The following SLC26A7 variants were observed in gnomAD, a reference collection of about 807,000 sequenced individuals.
The protein encoded by SLC26A7 is anion exchange transporter.
A neutral mutation model predicts 82.5 loss-of-function variants in SLC26A7; 59 were observed. The observed-to-expected ratio is 0.72, with a 90% CI of 0.58 to 0.89. SLC26A7 has a LOEUF of 0.89. Among genes scored for constraint, SLC26A7 ranks in the 40% least tolerant of loss-of-function variants. SLC26A7 has a pLI of 0.00. For synonymous variants in SLC26A7, 271 were observed against 274.3 expected, an observed-to-expected ratio of 0.99 and a Z score of 0.12; for missense variants, 820 against 793.0, an observed-to-expected ratio of 1.03 and a Z score of -0.41.
chr8:91,350,232 C>T (rs1418716551), intron 9 of SLC26A7, among the ~76,000 whole-genome samples: 3 of 152,122 alleles, frequency 2.0e-5, no homozygotes, highest in Non-Finnish European at 2.9e-5. Context: ...GCTACTGCCA[C>T]TCCACTCTCC....
chr8:91,325,724 TA>T (rs1421536041), intron 5 of SLC26A7, among the ~76,000 whole-genome samples: 1 of 152,144 alleles, frequency 6.6e-6, no homozygotes, highest in Non-Finnish European at 1.5e-5. Flanking sequence ...CTTCCCTCCA[TA>T]ACCCAAGGGA....
chr8:91,354,423 T>G (rs756661285), intron 11 of SLC26A7, among the ~76,000 whole-genome samples: 2 of 152,102 alleles, frequency 1.3e-5, no homozygotes, highest in African/African-American at 2.4e-5. Context: ...GAACATATAA[T>G]GTGAGGATGG....
chr8:91,241,190 T>C (rs1810469292), intron 2 of SLC26A7, among the ~76,000 whole-genome samples: 1 of 152,140 alleles, frequency 6.6e-6, no homozygotes, highest in South Asian at 2.1e-4. Context: ...TGAAGAAATA[T>C]TGTACAGTCA....
chr8:91,222,688 C>T (rs1486332591), intron 2 of SLC26A7, among the ~76,000 whole-genome samples: 1 of 152,206 alleles, frequency 6.6e-6, no homozygotes, highest in Non-Finnish European at 1.5e-5. Flanking sequence ...ACCAGCCTTG[C>T]ATCCCAGGAA....
intron 1 of SLC26A7, among the ~76,000 whole-genome samples, chr8:91,210,596 G>T (rs910088967): frequency 1.5e-5 from 2 of 129,178 alleles, no homozygotes; most frequent in African/African-American, 6.9e-5. Context: ...CACACACACA[G>T]GTTAACATCA....
chr8:91,335,273 A>G (rs1049312245), intron 6 of SLC26A7, among the ~76,000 whole-genome samples: 1 of 152,158 alleles, frequency 6.6e-6, no homozygotes, highest in Non-Finnish European at 1.5e-5. Context: ...GCACATTGCA[A>G]TTGACTATTA....
At chr8:91,332,720 A>G (rs1337139687) in intron 5 of SLC26A7, among the ~76,000 whole-genome samples, 3 of 151,500 alleles carry the variant, frequency 2.0e-5, no homozygotes, top group African/African-American at 7.3e-5. Context: ...TTCATAGGGA[A>G]AGAGTCTTGC....
chr8:91,216,863 T>C (rs1190526581), intron 1 of SLC26A7, among the ~76,000 whole-genome samples: 3 of 152,192 alleles, frequency 2.0e-5, no homozygotes, highest in African/African-American at 7.2e-5. Flanking sequence ...GGTCTATTTA[T>C]AGTTTATACT....
At chr8:91,287,467 G>A (rs969081553) in intron 2 of SLC26A7, among the ~76,000 whole-genome samples, 4 of 152,084 alleles carry the variant, frequency 2.6e-5, no homozygotes, top group African/African-American at 9.7e-5. Context: ...CAGCCAAATG[G>A]GTCTACCTCT....
At chr8:91,354,949 T>A (rs1813821970) in intron 11 of SLC26A7, among the ~76,000 whole-genome samples, 1 of 152,134 alleles carries the variant, frequency 6.6e-6, no homozygotes, top group Non-Finnish European at 1.5e-5. Flanking sequence ...TTATTTCATC[T>A]CTGTTTTCTG....
chr8:91,219,856 TTAGA>T (rs2130661628), intron 2 of SLC26A7, among the ~76,000 whole-genome samples: 1 of 152,274 alleles, frequency 6.6e-6, no homozygotes, highest in South Asian at 2.1e-4. Flanking sequence ...CAGGATAGAC[TTAGA>T]TAAAGCTGCT....
chr8:91,394,022 C>A lies in SLC26A7; in HGVS notation c.1918C>A (p.His640Asn). 1 of 1,613,018 alleles carries A rather than the reference C, an allele frequency of 6.2e-7. No individual in the cohort carries two copies. The highest frequency in any genetic ancestry group is 1.1e-5 in the South Asian group (1 of 90,980). Residue 640 changes from histidine to asparagine, a missense_variant, in exon 18 of 19, where the codon CAT becomes AAT. By Grantham distance (68) the His-to-Asn change is moderately conservative (BLOSUM62 1). Transcript: ENST00000276609. Reference sequence around the variant, plus strand: ...TGAATCGGTATCTGCTGCAATAAGTCATATCCATTCAAATAAGGTGAGTTG... The same window carrying A: ...TGAATCGGTATCTGCTGCAATAAGTAATATCCATTCAAATAAGGTGAGTTG... ...FFESVSAAIS[H>N]IHSNKNLSKL...
chr8:91,332,168 T>C (rs1037230046), intron 5 of SLC26A7, among the ~76,000 whole-genome samples: 27 of 144,596 alleles, frequency 1.9e-4, no homozygotes, highest in African/African-American at 6.2e-4. Flanking sequence ...TACACACACA[T>C]ATATATATAA....
At chr8:91,344,578 A>G (rs1813509557) in intron 9 of SLC26A7, among the ~76,000 whole-genome samples, 1 of 152,196 alleles carries the variant, frequency 6.6e-6, no homozygotes, top group African/African-American at 2.4e-5. Context: ...AGATCTTAAA[A>G]TTTAACATAA....
Position 91,393,930 on chromosome 8 carries a change from T to C in SLC26A7, c.1832-6T>C, listed in dbSNP as rs1586487277. ...GTATTCTTATATCACTTGTGCTTTC[T>C]TGAAGCTTCCTTGATAAAAGCAATG... On this transcript the variant is annotated splice_polypyrimidine_tract_variant and splice_region_variant and intron_variant, in intron 17 of 18. Transcript: ENST00000276609. The C allele has an allele frequency of 6.2e-7, 1 of 1,613,348 alleles. No individual in the cohort carries two copies. Among genetic ancestry groups the C allele is most frequent in the Middle Eastern group, 1.7e-4 (1 of 6,060 alleles).
chr8:91,345,702 T>C (rs1813543782), intron 9 of SLC26A7, among the ~76,000 whole-genome samples: 1 of 152,182 alleles, frequency 6.6e-6, no homozygotes, highest in African/African-American at 2.4e-5. Flanking sequence ...GTTAACATAC[T>C]CACTTATCAC....
At chr8:91,232,469 C>A (rs1300197635) in intron 2 of SLC26A7, among the ~76,000 whole-genome samples, 1 of 152,192 alleles carries the variant, frequency 6.6e-6, no homozygotes, top group African/African-American at 2.4e-5. Flanking sequence ...ATACTACGTT[C>A]CTTACAATAT....
intron 2 of SLC26A7, among the ~76,000 whole-genome samples, chr8:91,242,887 T>A (rs896378226): frequency 2.0e-5 from 3 of 152,312 alleles, no homozygotes; most frequent in African/African-American, 7.2e-5. Flanking sequence ...TCAGTATTGA[T>A]AATAACAGAA....
intron 2 of SLC26A7, among the ~76,000 whole-genome samples, chr8:91,234,558 T>C (rs1432603704): frequency 1.3e-5 from 2 of 152,028 alleles, no homozygotes; most frequent in Non-Finnish European, 2.9e-5. Flanking sequence ...TTCAGCTTCA[T>C]AAAATACTTG....
Sources: gnomAD v4.1 joint callset for allele counts (sites outside exome capture counted in the v4.1 genomes callset) on GRCh38, gnomAD v4.1.1 for gene constraint, MANE v1.5 for transcripts, NCBI Gene and HGNC (gene_info 2026-07-23, HGNC 2026-07-21) for gene names.